Variants in CHD1 observed in about 807,000 individuals in gnomAD.
The protein encoded by CHD1 is ATP-dependent chromatin remodeler CHD1.
In CHD1, 36 loss-of-function variants were observed where a neutral mutation model predicts 224.2. The observed-to-expected ratio is 0.16, with a 90% CI of 0.12 to 0.21. CHD1 has a LOEUF of 0.21. Ranked by LOEUF, CHD1 falls within the 10% of genes least tolerant of loss-of-function variation. The pLI, the probability that CHD1 is intolerant of heterozygous loss-of-function variation, is 1.00. For synonymous variants in CHD1, 668 were observed against 658.3 expected (o/e 1.01, Z -0.23); for missense variants, 1,378 against 1,994.8 (o/e 0.69, Z 5.89).
At chr5:98,869,612 ACGTGCGCGCG>A in intron 30 of CHD1, 132 bp downstream of exon 30, 1 of 757,588 alleles carries the variant, frequency 1.3e-6, no homozygotes, top group South Asian at 1.7e-5. Flanking sequence ...GTGCGTGCGC[ACGTGCGCGCG>A]CACACACACA....
rs565312059 is a variant in CHD1, at chr5:98,927,160, T to C, written c.-148-626A>G. ...AACCAGTTTGCACTTGGTTTTTATT[T>C]TGTGAAAAAAATTGAAAAGGTAATA... is the stretch of plus-strand genomic sequence containing the variant. On this transcript the variant is annotated intron_variant, in intron 1 of 35. Transcript: ENST00000614616. 4.6e-5 allele frequency among the ~76,000 whole-genome samples: 7 copies of C among 152,322 alleles called. No homozygotes were observed. The East Asian group carries it at 1.2e-3, about 25-fold the overall frequency.
chr5:98,873,548 G>A (rs2112333904), intron 26 of CHD1, 45 bp downstream of exon 26: 10 of 1,459,894 alleles, frequency 6.8e-6, no homozygotes, highest in Non-Finnish European at 9.2e-6. Flanking sequence ...ATATTTTGAA[G>A]CTTTCATTTA....
rs188965043 is a variant in CHD1 at position 98,883,501 on chromosome 5, A to C, written c.2569-264T>G. 2.4e-3 allele frequency among the ~76,000 whole-genome samples: 371 copies of C among 152,210 alleles called. 1 individual carries two copies. Among genetic ancestry groups the C allele is most frequent in the Non-Finnish European group, 3.9e-3 (264 of 68,020 alleles). On this transcript the variant is annotated intron_variant, in intron 18 of 35. Transcript: ENST00000614616. ...AACTGTAAATTTTATTTCCTTAAAAAATAAAAGGCATATACCAAAAAAAGA... is the reference window on the plus strand; with the variant it reads ...AACTGTAAATTTTATTTCCTTAAAACATAAAAGGCATATACCAAAAAAAGA...
At chr5:98,892,413 G>A (rs1317869620) in intron 15 of CHD1, 112 bp downstream of exon 15, 2 of 647,314 alleles carry the variant, frequency 3.1e-6, no homozygotes, top group East Asian at 5.4e-5. Flanking sequence ...CTCGAGAATT[G>A]CAACTGCTCT....
At chr5:98,898,047 T>A (rs199922331) in intron 10 of CHD1, among the ~76,000 whole-genome samples, 11 of 151,750 alleles carry the variant, frequency 7.2e-5, no homozygotes, top group Non-Finnish European at 1.0e-4. Flanking sequence ...ACAATTTTTT[T>A]AAGAGAAAGT....
At position 98,917,298 on chromosome 5, in the gene CHD1, A is replaced by AC. The variant is rs371389473; in HGVS notation, c.53+9035dup. On this transcript the variant is annotated intron_variant, in intron 2 of 35. Coordinates refer to ENST00000614616, the MANE Select transcript of CHD1 (RefSeq NM_001270.4). ...AGCCCATCCCTCCAAAAACAAAGAA[A>AC]CAAAAAAAAAAAACAACCTCTTAAT... 2.7e-4 allele frequency among the ~76,000 whole-genome samples: 38 copies of AC among 142,326 alleles called. 1 individual carries two copies. Among genetic ancestry groups the AC allele is most frequent in the African/African-American group, 5.9e-4 (21 of 35,656 alleles). 93.4% of individuals were successfully genotyped at this position (142,326 alleles called of 152,430 possible).
intron 32 of CHD1, 21 bp downstream of exon 32, chr5:98,863,387 C>A: frequency 7.2e-7 from 1 of 1,395,798 alleles, no homozygotes; most frequent in Non-Finnish European, 9.6e-7. Flanking sequence ...TTTAACACTT[C>A]CTGAAAAGTG....
At chr5:98,882,494 A>G (rs184588216) in intron 19 of CHD1, among the ~76,000 whole-genome samples, 6 of 152,086 alleles carry the variant, frequency 3.9e-5, no homozygotes, top group Non-Finnish European at 4.4e-5. Context: ...CACTCTATAT[A>G]ATGCAAAATT....
intron 12 of CHD1, among the ~76,000 whole-genome samples, chr5:98,895,992 A>T (rs181646858): frequency 6.6e-6 from 1 of 152,108 alleles, no homozygotes; most frequent in African/African-American, 2.4e-5. Flanking sequence ...AGATCACTTG[A>T]GCTCAGTTCA....
At chr5:98,920,660 G>C (rs1753029921) in intron 2 of CHD1, among the ~76,000 whole-genome samples, 1 of 152,114 alleles carries the variant, frequency 6.6e-6, no homozygotes, top group Non-Finnish European at 1.5e-5. Flanking sequence ...AGCCAGGCAT[G>C]GTGGTGCACA....
At chr5:98,920,961 C>G (rs892254662) in intron 2 of CHD1, among the ~76,000 whole-genome samples, 1 of 151,994 alleles carries the variant, frequency 6.6e-6, no homozygotes, top group African/African-American at 2.4e-5. Flanking sequence ...CAATGTGGCA[C>G]TCTGGATTTA....
At chr5:98,885,701 A>G (rs776186041) in intron 17 of CHD1, 52 bp from the exon 18 acceptor site, 5 of 1,042,258 alleles carry the variant, frequency 4.8e-6, no homozygotes, top group Non-Finnish European at 7.3e-6. Context: ...AGTATTACAA[A>G]GCAATTAAAA....
chr5:98,912,137 T>C lies in CHD1; in HGVS notation c.54-7039A>G, dbSNP rs372487809. Among the ~76,000 whole-genome samples the C allele has an allele frequency of 6.6e-5, 10 of 152,184 alleles. No individual in the cohort carries two copies. The East Asian group carries it at 9.6e-4, about 15-fold the overall frequency. On this transcript the variant is annotated intron_variant, in intron 2 of 35. Coordinates refer to ENST00000614616, the MANE Select transcript of CHD1 (RefSeq NM_001270.4). ...CCTACTATATCACAAGTTTTCTTTA[T>C]TAACATCCAAGATTGTGAAATCTTC...
chr5:98,899,435 A>G, intron 8 of CHD1, 45 bp downstream of exon 8: 2 of 1,178,440 alleles, frequency 1.7e-6, no homozygotes, highest in South Asian at 2.5e-5. Flanking sequence ...AGGTTTAGTA[A>G]TCTTTGAACT....
chr5:98,894,529 T>C, intron 13 of CHD1, 68 bp downstream of exon 13: 1 of 539,026 alleles, frequency 1.9e-6, no homozygotes, highest in Non-Finnish European at 3.3e-6. Flanking sequence ...TCTCATCTTG[T>C]CCACAGCATA....
At chr5:98,874,604 C>T (rs1192488669) in intron 25 of CHD1, among the ~76,000 whole-genome samples, 1 of 149,010 alleles carries the variant, frequency 6.7e-6, no homozygotes, top group Non-Finnish European at 1.5e-5. Flanking sequence ...CCCAGCTGCT[C>T]GAGAGGCTGA....
At chr5:98,867,795 G>GTTTTTTTTTTTTTTTTTTTTTTT (rs71619163) in intron 31 of CHD1, among the ~76,000 whole-genome samples, 2 of 98,064 alleles carry the variant, frequency 2.0e-5, no homozygotes, top group Non-Finnish European at 1.9e-5. Context: ...TATCTTCCTT[G>GTTTTTTTTTTTTTTTTTTTTTTT]TTTTTTTTTT....
intron 31 of CHD1, among the ~76,000 whole-genome samples, chr5:98,867,729 G>A (rs1165680386): frequency 1.3e-5 from 2 of 151,600 alleles, no homozygotes; most frequent in African/African-American, 2.4e-5. Flanking sequence ...GACACCAGCT[G>A]GGTGCGATAG....
At chr5:98,907,544 C>T (rs557129416) in intron 2 of CHD1, among the ~76,000 whole-genome samples, 42 of 145,560 alleles carry the variant, frequency 2.9e-4, no homozygotes, top group Admixed American at 3.5e-4. Context: ...GCCAAGTTCA[C>T]GCCATTGCAC....
Sources: gnomAD v4.1 joint callset for allele counts (sites outside exome capture counted in the v4.1 genomes callset) on GRCh38, gnomAD v4.1.1 for gene constraint, MANE v1.5 for transcripts, NCBI Gene and HGNC (gene_info 2026-07-23, HGNC 2026-07-21) for gene names.